SLC26A7: variants seen among roughly 807,000 people sequenced by gnomAD.
SLC26A7 encodes anion exchange transporter.
In SLC26A7, 59 loss-of-function variants were observed where a neutral mutation model predicts 82.5. The ratio of observed to expected loss-of-function variants is 0.72; its 90% CI spans 0.58 to 0.89. The LOEUF is 0.89. SLC26A7 is among the 40% of genes least tolerant of loss of function. The probability of loss-of-function intolerance (pLI) is 0.00; values close to 1 mark genes in which losing one functional copy is unlikely to be tolerated. For synonymous variants in SLC26A7, 271 were observed against 274.3 expected (o/e 0.99, Z 0.12); for missense variants, 820 against 793.0 (o/e 1.03, Z -0.41).
Position 91,333,795 on chromosome 8 carries a change from A to T in SLC26A7, c.643-500A>T, listed in dbSNP as rs923547869. Among the ~76,000 whole-genome samples, 4 of 152,210 alleles carry T rather than the reference A, an allele frequency of 2.6e-5. No homozygotes were observed. In the South Asian group the frequency reaches 6.2e-4, roughly 24 times the overall value. ...TAAGTGACAATAAACAAGTAAGTTA[A>T]TGCTGAATGACTGAGAACATGTTAA... On this transcript the variant is annotated intron_variant, in intron 5 of 18. Transcript: ENST00000276609.
chr8:91,359,792 C>G (rs1162798983), intron 11 of SLC26A7, among the ~76,000 whole-genome samples: 2 of 151,864 alleles, frequency 1.3e-5, no homozygotes, highest in South Asian at 2.1e-4. Context: ...TGGATATAGG[C>G]TATATACCCA....
At chr8:91,380,859 G>A (rs947092058) in intron 15 of SLC26A7, among the ~76,000 whole-genome samples, 1 of 152,144 alleles carries the variant, frequency 6.6e-6, no homozygotes, top group Non-Finnish European at 1.5e-5. Flanking sequence ...AATATTGTTT[G>A]TAACTGTCCA....
At chr8:91,220,368 T>G (rs1208207649) in intron 2 of SLC26A7, among the ~76,000 whole-genome samples, 1 of 151,642 alleles carries the variant, frequency 6.6e-6, no homozygotes, top group East Asian at 1.9e-4. Context: ...AGTGTTTTTG[T>G]TTTTTTTCTT....
At chr8:91,285,750 A>G (rs1334968252) in intron 2 of SLC26A7, among the ~76,000 whole-genome samples, 1 of 152,214 alleles carries the variant, frequency 6.6e-6, no homozygotes, top group Non-Finnish European at 1.5e-5. Flanking sequence ...TCTTGTATTC[A>G]TATCTGAGAG....
At chr8:91,295,147 A>G (rs1435375574) in intron 3 of SLC26A7, among the ~76,000 whole-genome samples, 2 of 152,234 alleles carry the variant, frequency 1.3e-5, no homozygotes, top group African/African-American at 4.8e-5. Context: ...TATGGATAAG[A>G]CCATTTATAT....
At chr8:91,371,901 G>T (rs753446621) in intron 15 of SLC26A7, among the ~76,000 whole-genome samples, 3 of 152,020 alleles carry the variant, frequency 2.0e-5, no homozygotes, top group African/African-American at 7.2e-5. Context: ...ACCAACATCT[G>T]TTAGTTTTTG....
chr8:91,247,971 G>A (rs1431971514), upstream of SLC26A7, among the ~76,000 whole-genome samples: 1 of 152,064 alleles, frequency 6.6e-6, no homozygotes, highest in Non-Finnish European at 1.5e-5. Flanking sequence ...TATAATAAAT[G>A]GAGTATATAA....
At chr8:91,349,489 A>G (rs1165046848) in intron 9 of SLC26A7, among the ~76,000 whole-genome samples, 6 of 152,368 alleles carry the variant, frequency 3.9e-5, no homozygotes, top group Admixed American at 3.9e-4. Context: ...GTTTTTAAAT[A>G]GAATTATTTA....
intron 2 of SLC26A7, among the ~76,000 whole-genome samples, chr8:91,266,769 A>C (rs1586340733): frequency 1.3e-5 from 2 of 152,096 alleles, no homozygotes; most frequent in South Asian, 4.1e-4. Context: ...TAGGGCTATC[A>C]GTACTGTGTT....
intron 16 of SLC26A7, among the ~76,000 whole-genome samples, chr8:91,391,858 C>G (rs1385866618): frequency 6.6e-6 from 1 of 151,004 alleles, no homozygotes; most frequent in Non-Finnish European, 1.5e-5. Flanking sequence ...TGTTGTTGTT[C>G]AATTCCATTT....
At chr8:91,394,165 C>A in intron 18 of SLC26A7, 126 bp downstream of exon 18, 1 of 1,604,274 alleles carries the variant, frequency 6.2e-7, no homozygotes, top group Admixed American at 1.7e-5. Flanking sequence ...CCCACCCCAC[C>A]CCACCTCAGA....
chr8:91,311,236 T>G (rs1812473782), intron 4 of SLC26A7, among the ~76,000 whole-genome samples: 1 of 152,212 alleles, frequency 6.6e-6, no homozygotes, highest in Non-Finnish European at 1.5e-5. Flanking sequence ...TCAGTGAGGT[T>G]GTTGCATCCA....
intron 4 of SLC26A7, among the ~76,000 whole-genome samples, chr8:91,299,656 C>G (rs1010933090): frequency 6.6e-6 from 1 of 152,098 alleles, no homozygotes; most frequent in Non-Finnish European, 1.5e-5. Flanking sequence ...TAACTCTATT[C>G]TTGTGACTGT....
At chr8:91,277,375 A>G (rs953442456) in intron 2 of SLC26A7, among the ~76,000 whole-genome samples, 2 of 152,112 alleles carry the variant, frequency 1.3e-5, no homozygotes, top group Admixed American at 1.3e-4. Flanking sequence ...CTGCATCCCC[A>G]TTTGCATATG....
At chr8:91,250,947 C>G (rs1417907971) in intron 2 of SLC26A7, among the ~76,000 whole-genome samples, 1 of 151,916 alleles carries the variant, frequency 6.6e-6, no homozygotes. Context: ...CAGAAAAATG[C>G]AAAGTAAATA....
chr8:91,321,905 T>C (rs1198165702), intron 5 of SLC26A7, among the ~76,000 whole-genome samples: 3 of 101,526 alleles, frequency 3.0e-5, no homozygotes, highest in Non-Finnish European at 8.2e-5. Flanking sequence ...CCAGTTGTCT[T>C]GTCTGTTTTG....
At chr8:91,362,059 TCAAC>T (rs1264596315) in intron 11 of SLC26A7, among the ~76,000 whole-genome samples, 1 of 152,066 alleles carries the variant, frequency 6.6e-6, no homozygotes. Flanking sequence ...ACCATACACA[TCAAC>T]CAAGTATTTA....
chr8:91,331,924 A>G (rs1248962878), intron 5 of SLC26A7, among the ~76,000 whole-genome samples: 2 of 151,830 alleles, frequency 1.3e-5, no homozygotes, highest in Admixed American at 1.3e-4. Flanking sequence ...CTTTGTTCAT[A>G]TGTTTATTGA....
chr8:91,320,217 T>C (rs1812753353), intron 5 of SLC26A7, among the ~76,000 whole-genome samples: 1 of 152,006 alleles, frequency 6.6e-6, no homozygotes, highest in Non-Finnish European at 1.5e-5. Flanking sequence ...TGCGTGCCAC[T>C]GTGCCCAGCT....
Sources: gnomAD v4.1 joint callset for allele counts (sites outside exome capture counted in the v4.1 genomes callset) on GRCh38, gnomAD v4.1.1 for gene constraint, MANE v1.5 for transcripts, NCBI Gene and HGNC (gene_info 2026-07-23, HGNC 2026-07-21) for gene names.